ADGRV1: variants seen among roughly 807,000 people sequenced by gnomAD.
ADGRV1 encodes the protein adhesion G protein-coupled receptor V1, also known as G-protein coupled receptor 98.
Under a neutral mutation model 596.2 loss-of-function variants are expected in ADGRV1, and 359 were observed. The observed-to-expected ratio is 0.60, with a 90% CI of 0.55 to 0.66. The LOEUF (loss-of-function observed/expected upper bound fraction) is 0.66, where lower values mean the gene tolerates loss of function less well. Ranked by LOEUF, ADGRV1 falls within the 30% of genes least tolerant of loss-of-function variation. The probability of loss-of-function intolerance (pLI) is 0.00; values close to 1 mark genes in which losing one functional copy is unlikely to be tolerated. For missense variants in ADGRV1, 7,274 were observed against 7,575.6 expected (o/e 0.96, Z 1.48); for synonymous variants, 2,681 against 2,679.2 (o/e 1.00, Z -0.02).
chr5:91,141,373 T>C (rs1207495620), intron 87 of ADGRV1, among the ~76,000 whole-genome samples: 1 of 152,218 alleles, frequency 6.6e-6, no homozygotes, highest in Non-Finnish European at 1.5e-5. Flanking sequence ...ATGCAAATAT[T>C]TTAAAAAGCA....
At chr5:90,894,737 T>A (rs1771140658) in intron 83 of ADGRV1, among the ~76,000 whole-genome samples, 1 of 152,168 alleles carries the variant, frequency 6.6e-6, no homozygotes, top group South Asian at 2.1e-4. Flanking sequence ...TATCTATTTC[T>A]AAGAATGAAT....
chr5:91,161,474 A>G (rs955254085), intron 89 of ADGRV1, among the ~76,000 whole-genome samples: 3 of 138,992 alleles, frequency 2.2e-5, no homozygotes, highest in African/African-American at 2.6e-5. Context: ...TGCAGGCCCA[A>G]TGTTGCCTGA....
At chr5:91,046,170 T>C (rs963427730) in intron 85 of ADGRV1, among the ~76,000 whole-genome samples, 4 of 151,888 alleles carry the variant, frequency 2.6e-5, no homozygotes, top group Non-Finnish European at 4.4e-5. Flanking sequence ...AAAACAATCC[T>C]AAAATTCATA....
Position 90,819,688 on chromosome 5 carries a change from A to G in ADGRV1, c.16197-3737A>G, listed in dbSNP as rs1763274346. On this transcript the variant is annotated intron_variant, in intron 75 of 89. Coordinates refer to ENST00000405460, the MANE Select transcript of ADGRV1 (RefSeq NM_032119.4). ...TTCGTTATGTATCCAGTAGTCATTC[A>G]GGAGCAGGTTGTTCAGTTTCCATGT... Among the ~76,000 whole-genome samples the G allele has an allele frequency of 2.0e-5, 3 of 151,794 alleles. No homozygotes were observed. The South Asian group carries it at 6.3e-4, about 32-fold the overall frequency.
At chr5:90,592,623 T>C (rs1014450752) in intron 1 of ADGRV1, among the ~76,000 whole-genome samples, 4 of 152,224 alleles carry the variant, frequency 2.6e-5, no homozygotes, top group African/African-American at 9.6e-5. Context: ...AGGAAGGAAC[T>C]TCTGCACAGC....
chr5:90,893,982 C>T (rs1351849192), intron 83 of ADGRV1, among the ~76,000 whole-genome samples: 2 of 152,190 alleles, frequency 1.3e-5, no homozygotes, highest in African/African-American at 4.8e-5. Context: ...TTAAATCTCA[C>T]ATTAGCATAC....
chr5:90,815,559 G>C, intron 74 of ADGRV1, 60 bp from the exon 75 acceptor site: 1 of 926,516 alleles, frequency 1.1e-6, no homozygotes, highest in Non-Finnish European at 1.7e-6. Context: ...GATTAGTGGA[G>C]CATGGGAGGT....
At chr5:90,883,303 C>T (rs1488511532) in intron 83 of ADGRV1, among the ~76,000 whole-genome samples, 1 of 152,108 alleles carries the variant, frequency 6.6e-6, no homozygotes, top group Non-Finnish European at 1.5e-5. Flanking sequence ...CATGGTATTT[C>T]AGGCCATCGA....
chr5:90,685,112 A>C (rs975244327), intron 28 of ADGRV1, among the ~76,000 whole-genome samples: 1 of 152,208 alleles, frequency 6.6e-6, no homozygotes, highest in Non-Finnish European at 1.5e-5. Flanking sequence ...TTTTCAACAC[A>C]TATTAAAATA....
chr5:90,603,830 G>A (rs1348184072), intron 1 of ADGRV1, among the ~76,000 whole-genome samples: 1 of 149,828 alleles, frequency 6.7e-6, no homozygotes, highest in Non-Finnish European at 1.5e-5. Context: ...TGAAATCAAA[G>A]TCCTGGGACA....
chr5:90,721,186 C>A (rs146326388), intron 45 of ADGRV1, 127 bp downstream of exon 45: 41 of 788,404 alleles, frequency 5.2e-5, no homozygotes, highest in Middle Eastern at 7.0e-4. Context: ...TAATCTAATT[C>A]TTTTATTGCA....
intron 83 of ADGRV1, among the ~76,000 whole-genome samples, chr5:90,885,084 A>G (rs1770150938): frequency 6.6e-6 from 1 of 152,128 alleles, no homozygotes; most frequent in Non-Finnish European, 1.5e-5. Flanking sequence ...CTACACATGT[A>G]TGTTAATAGT....
intron 78 of ADGRV1, among the ~76,000 whole-genome samples, chr5:90,845,932 T>C (rs758113359): frequency 6.6e-6 from 1 of 152,234 alleles, no homozygotes; most frequent in Non-Finnish European, 1.5e-5. Context: ...TTGTAATTTT[T>C]GCATTGCTAA....
Position 90,848,641 on chromosome 5 carries a change from C to T in ADGRV1, c.17024C>T (p.Thr5675Ile), listed in dbSNP as rs1766156572. The change falls in exon 79 of 90, where the codon ACT (threonine) becomes ATT (isoleucine). Residue 5675 changes from threonine (T) to isoleucine (I), a missense_variant. By Grantham distance (89) the Thr-to-Ile change is moderately conservative (BLOSUM62 -1). Coordinates refer to ENST00000405460, the MANE Select transcript of ADGRV1 (RefSeq NM_032119.4). Reference sequence around the variant, plus strand: ...ATACTTAGATTCTTTTTCCAGATAACTACTGAAGGAAAAATTCAAGCTTTC... The same window carrying T: ...ATACTTAGATTCTTTTTCCAGATAATTACTGAAGGAAAAATTCAAGCTTTC... ...SAMMHLIEKI[T>I]TEGKIQAFSV... 1.3e-6 allele frequency: 2 copies of T among 1,483,344 alleles called. No homozygotes were observed. Among genetic ancestry groups the T allele is most frequent in the Non-Finnish European group, 1.8e-6 (2 of 1,119,292 alleles). 91.9% of individuals were successfully genotyped at this position (1,483,344 alleles called of 1,614,324 possible).
intron 85 of ADGRV1, among the ~76,000 whole-genome samples, chr5:91,006,335 T>A (rs1275672257): frequency 6.6e-6 from 1 of 151,922 alleles, no homozygotes; most frequent in Non-Finnish European, 1.5e-5. Flanking sequence ...AAATTGCAAA[T>A]CCAAAATTAG....
rs533876663 is a variant in ADGRV1 at position 90,620,154 on chromosome 5, T to C, written c.453+973T>C. Among the ~76,000 whole-genome samples, 436 of 152,304 alleles carry C rather than the reference T, an allele frequency of 2.9e-3. 2 individuals are homozygous for C. Among genetic ancestry groups the C allele is most frequent in the African/African-American group, 0.01 (420 of 41,556 alleles). On this transcript the variant is annotated intron_variant, in intron 4 of 89. Transcript: ENST00000405460. ...CTGGGTCAAATGATATTTCTAGTTC[T>C]AGATCTCTGAGGAATCGCCACACTG...
chr5:91,026,136 T>C (rs1209061456), intron 85 of ADGRV1, among the ~76,000 whole-genome samples: 3 of 152,180 alleles, frequency 2.0e-5, no homozygotes, highest in African/African-American at 7.2e-5. Flanking sequence ...TTAGCTGGTA[T>C]TGAACCTGCT....
intron 83 of ADGRV1, 45 bp downstream of exon 83, chr5:90,863,902 TTTC>T (rs1767845416): frequency 1.7e-6 from 2 of 1,201,622 alleles, no homozygotes; most frequent in African/African-American, 1.5e-5. Context: ...GATGTTTGTG[TTTC>T]TTCTTCTTTG....
chr5:90,828,463 A>G (rs2150318954), intron 76 of ADGRV1, among the ~76,000 whole-genome samples: 1 of 152,238 alleles, frequency 6.6e-6, no homozygotes, highest in South Asian at 2.1e-4. Flanking sequence ...TTACATAAAT[A>G]TGTATCTATT....
Sources: gnomAD v4.1 joint callset for allele counts (sites outside exome capture counted in the v4.1 genomes callset) on GRCh38, gnomAD v4.1.1 for gene constraint, MANE v1.5 for transcripts, NCBI Gene and HGNC (gene_info 2026-07-23, HGNC 2026-07-21) for gene names.